The following PLPP1 variants were observed in gnomAD, a reference collection of about 807,000 sequenced individuals.
The protein encoded by PLPP1 is phospholipid phosphatase 1, also known as lipid phosphate phosphohydrolase 1a.
PLPP1 carries 24 observed loss-of-function variants against 31.2 expected under a neutral mutation model. The ratio of observed to expected loss-of-function variants is 0.77; its 90% CI spans 0.56 to 1.08. The LOEUF (loss-of-function observed/expected upper bound fraction) is 1.08. Ranked by LOEUF, PLPP1 falls within the 50% of genes least tolerant of loss-of-function variation. The probability of loss-of-function intolerance (pLI) is 0.00; values close to 1 mark genes in which losing one functional copy is unlikely to be tolerated. For synonymous variants in PLPP1, 146 were observed against 126.3 expected (o/e 1.16, Z -1.05); for missense variants, 319 against 342.7 (o/e 0.93, Z 0.55).
intron 1 of PLPP1, among the ~76,000 whole-genome samples, chr5:55,504,647 T>A (rs926530061): frequency 4.6e-5 from 7 of 151,334 alleles, no homozygotes; most frequent in Admixed American, 2.0e-4. Context: ...ACACTAAAGG[T>A]CATCTAAGGA....
intron 1 of PLPP1, among the ~76,000 whole-genome samples, chr5:55,512,472 A>C: frequency 3.8e-5 from 1 of 26,478 alleles, no homozygotes; most frequent in Non-Finnish European, 9.7e-5. Context: ...CTGTCTCAAA[A>C]AAAAAAAAAA....
chr5:55,531,947 T>G (rs1273245116), intron 1 of PLPP1, among the ~76,000 whole-genome samples: 1 of 152,240 alleles, frequency 6.6e-6, no homozygotes, highest in Non-Finnish European at 1.5e-5. Flanking sequence ...TATGCTGAAT[T>G]ACTTTAAAAG....
chr5:55,530,313 G>T, intron 1 of PLPP1: 1 of 1,478,752 alleles, frequency 6.8e-7, no homozygotes, highest in Non-Finnish European at 9.4e-7. Flanking sequence ...CCAAGGAAGA[G>T]ATACACAAAT....
chr5:55,436,441 T>G (rs1751495248), intron 4 of PLPP1, among the ~76,000 whole-genome samples: 1 of 152,230 alleles, frequency 6.6e-6, no homozygotes, highest in Admixed American at 6.5e-5. Flanking sequence ...ACGTAAGATG[T>G]AACTTGCTCC....
chr5:55,456,541 C>T lies in PLPP1; in HGVS notation c.491+11328G>A, dbSNP rs569750137. On this transcript the variant is annotated intron_variant, in intron 3 of 5. Coordinates refer to ENST00000307259, the MANE Select transcript of PLPP1 (RefSeq NM_003711.4). ...ATACATAAGTTAAAAGAGCAGATTA[C>T]ACTATAATCCTAAAAAACTATAGAC... Among the ~76,000 whole-genome samples the T allele has an allele frequency of 2.0e-5, 3 of 152,264 alleles. No homozygotes were observed. The East Asian group carries it at 5.8e-4, about 29-fold the overall frequency.
chr5:55,431,673 A>C (rs1318787925), intron 4 of PLPP1, among the ~76,000 whole-genome samples: 5 of 152,210 alleles, frequency 3.3e-5, no homozygotes, highest in East Asian at 1.9e-4. Flanking sequence ...GAAAGATTTC[A>C]AGTAAATAAT....
rs866479092 is a variant in PLPP1, at chr5:55,441,852, G to C, written c.548C>G (p.Ala183Gly). Reference protein sequence around the residue: ...SFSMYCMLFVALYLQARMKGD... With the variant: ...SFSMYCMLFVGLYLQARMKGD... The stretch of plus-strand genomic sequence containing the variant: ...CGTCAACAGACACAAAGTACTTACT[G>C]CCACAAACAGCATGCAGTACATGGA... The change falls in exon 4 of 6, where the codon GCA becomes GGA. Residue 183 changes from alanine (A) to glycine (G), a missense_variant and splice_region_variant. Physicochemically the swap from Ala to Gly is moderately conservative, Grantham distance 60. Coordinates refer to ENST00000307259, the MANE Select transcript of PLPP1 (RefSeq NM_003711.4). 1.9e-6 allele frequency: 3 copies of C among 1,612,986 alleles called. No homozygotes were observed. Among genetic ancestry groups the C allele is most frequent in the Admixed American group, 1.7e-5 (1 of 59,996 alleles).
chr5:55,529,641 G>A (rs1245614452), intron 1 of PLPP1, among the ~76,000 whole-genome samples: 1 of 151,906 alleles, frequency 6.6e-6, no homozygotes, highest in African/African-American at 2.4e-5. Context: ...ATATAAATAC[G>A]ATTTTCTTAT....
At chr5:55,428,317 A>G (rs1336124450) in intron 4 of PLPP1, among the ~76,000 whole-genome samples, 1 of 152,098 alleles carries the variant, frequency 6.6e-6, no homozygotes, top group African/African-American at 2.4e-5. Context: ...TGTGCTTCCT[A>G]TGTGCCCATA....
At chr5:55,436,232 A>T (rs1751490529) in intron 4 of PLPP1, among the ~76,000 whole-genome samples, 1 of 152,102 alleles carries the variant, frequency 6.6e-6, no homozygotes, top group Non-Finnish European at 1.5e-5. Flanking sequence ...TCCCAGTCCC[A>T]AATGATATGG....
chr5:55,523,792 A>G (rs1013597314), intron 1 of PLPP1, among the ~76,000 whole-genome samples: 8 of 152,058 alleles, frequency 5.3e-5, no homozygotes, highest in Non-Finnish European at 8.8e-5. Context: ...ATTTTCCCCC[A>G]GCTCCTCCAC....
At chr5:55,462,627 A>G in intron 3 of PLPP1, among the ~76,000 whole-genome samples, 1 of 152,214 alleles carries the variant, frequency 6.6e-6, no homozygotes, top group East Asian at 1.9e-4. Context: ...AAAATGATAA[A>G]TTAGATTCTA....
chr5:55,486,220 T>G (rs1019037473), intron 1 of PLPP1, among the ~76,000 whole-genome samples: 3 of 152,212 alleles, frequency 2.0e-5, no homozygotes, highest in African/African-American at 7.2e-5. Flanking sequence ...TTTCTTCCAC[T>G]GACAGCTTTC....
chr5:55,444,755 G>GTGTGTGTGTGTGTGTGTGTGTGTGTT (rs1751716003), intron 3 of PLPP1, among the ~76,000 whole-genome samples: 5 of 150,672 alleles, frequency 3.3e-5, no homozygotes, highest in Admixed American at 3.3e-4. Flanking sequence ...GTGTGTGTGT[G>GTGTGTGTGTGTGTGTGTGTGTGTGTT]TGTGTGTGTG....
At chr5:55,522,666 A>C (rs1352080719) in intron 1 of PLPP1, among the ~76,000 whole-genome samples, 2 of 152,146 alleles carry the variant, frequency 1.3e-5, no homozygotes, top group African/African-American at 4.8e-5. Flanking sequence ...ATAGTTACAA[A>C]ATATTTAAGC....
chr5:55,453,009 G>A (rs1453731569), intron 3 of PLPP1, among the ~76,000 whole-genome samples: 1 of 130,510 alleles, frequency 7.7e-6, no homozygotes, highest in Non-Finnish European at 1.6e-5. Context: ...ATCGAACATA[G>A]AGTAGGTATT....
chr5:55,434,132 CAAAAAA>C (rs528979124), intron 4 of PLPP1, among the ~76,000 whole-genome samples: 585 of 53,058 alleles, frequency 0.011, 5 homozygotes, highest in African/African-American at 0.036. Flanking sequence ...GACTCTGTCT[CAAAAAA>C]AAAAAAAAAA....
chr5:55,490,935 A>C, intron 1 of PLPP1: 1 of 1,595,388 alleles, frequency 6.3e-7, no homozygotes, highest in Non-Finnish European at 8.6e-7. Context: ...CAAACCCATC[A>C]CTACCTACTT....
Position 55,446,832 on chromosome 5 carries a change from G to C in PLPP1, c.492-4924C>G, listed in dbSNP as rs142461988. Among the ~76,000 whole-genome samples, 652 of 152,262 alleles carry C rather than the reference G, an allele frequency of 4.3e-3. 2 individuals carry two copies. Among genetic ancestry groups the C allele is most frequent in the Non-Finnish European group, 5.9e-3 (402 of 68,020 alleles). On this transcript the variant is annotated intron_variant, in intron 3 of 5. Coordinates refer to ENST00000307259, the MANE Select transcript of PLPP1 (RefSeq NM_003711.4). ...CGGGGAGGATGCTGCCACTCTTCGG[G>C]AGTTCTCACATTATCCACATGTCTT...
Sources: gnomAD v4.1 joint callset for allele counts (sites outside exome capture counted in the v4.1 genomes callset) on GRCh38, gnomAD v4.1.1 for gene constraint, MANE v1.5 for transcripts, NCBI Gene and HGNC (gene_info 2026-07-23, HGNC 2026-07-21) for gene names.